MYO3B: variants seen among roughly 807,000 people sequenced by gnomAD.
MYO3B encodes myosin-IIIb.
Under a neutral mutation model 174.6 loss-of-function variants are expected in MYO3B, and 156 were observed. The observed-to-expected ratio is 0.89, with a 90% CI of 0.78 to 1.02. The LOEUF (loss-of-function observed/expected upper bound fraction) is 1.02, where lower values mean the gene tolerates loss of function less well. MYO3B is among the 50% of genes least tolerant of loss of function. The pLI, the probability that MYO3B is intolerant of heterozygous loss-of-function variation, is 0.00. For synonymous variants in MYO3B, 563 were observed against 569.1 expected (o/e 0.99, Z 0.15); for missense variants, 1,632 against 1,639.4 (o/e 1.00, Z 0.08).
At chr2:170,182,357 A>G (rs1574534885) in intron 1 of MYO3B, among the ~76,000 whole-genome samples, 1 of 152,270 alleles carries the variant, frequency 6.6e-6, no homozygotes, top group East Asian at 1.9e-4. Context: ...AAGCCAGCAT[A>G]ATTTATTGAA....
At chr2:170,429,054 A>G (rs935572558) in intron 22 of MYO3B, among the ~76,000 whole-genome samples, 25 of 152,228 alleles carry the variant, frequency 1.6e-4, no homozygotes, top group Non-Finnish European at 3.2e-4. Flanking sequence ...AGCCCTGTGT[A>G]ACTTTCTCAG....
At chr2:170,197,285 C>A (rs2092611752) in intron 1 of MYO3B, among the ~76,000 whole-genome samples, 2 of 152,164 alleles carry the variant, frequency 1.3e-5, no homozygotes, top group Non-Finnish European at 2.9e-5. Context: ...GTGTGGCCAG[C>A]CTCATTTCAA....
chr2:170,504,123 C>G (rs1266699777), intron 28 of MYO3B, among the ~76,000 whole-genome samples: 1 of 152,198 alleles, frequency 6.6e-6, no homozygotes, highest in Non-Finnish European at 1.5e-5. Context: ...AGAACCAGAC[C>G]CAGATACAGT....
At chr2:170,493,952 T>G (rs1575069779) in intron 25 of MYO3B, among the ~76,000 whole-genome samples, 1 of 152,242 alleles carries the variant, frequency 6.6e-6, no homozygotes, top group East Asian at 1.9e-4. Context: ...GGCTTTAAGA[T>G]GACTGCAGCC....
chr2:170,531,222 C>T (rs1260843265), intron 30 of MYO3B, among the ~76,000 whole-genome samples: 2 of 152,182 alleles, frequency 1.3e-5, no homozygotes, highest in African/African-American at 4.8e-5. Context: ...TTTCCAAATG[C>T]CCCATTTGTA....
intron 30 of MYO3B, among the ~76,000 whole-genome samples, chr2:170,524,994 G>A (rs148844375): frequency 1.1e-3 from 166 of 152,278 alleles, no homozygotes; most frequent in African/African-American, 3.9e-3. Flanking sequence ...CCAGGTCTCA[G>A]ATAATTAGTC....
chr2:170,352,172 C>T (rs181840349), intron 8 of MYO3B, among the ~76,000 whole-genome samples: 208 of 152,202 alleles, frequency 1.4e-3, no homozygotes, highest in Non-Finnish European at 1.5e-3. Flanking sequence ...AGACTGGTCT[C>T]GAACTCCTGA....
At chr2:170,580,707 A>G (rs1693079139) in intron 32 of MYO3B, among the ~76,000 whole-genome samples, 1 of 90,118 alleles carries the variant, frequency 1.1e-5, no homozygotes. Context: ...AGGTCCCACA[A>G]AACCTTATAT....
intron 32 of MYO3B, among the ~76,000 whole-genome samples, chr2:170,631,868 A>T (rs115208534): frequency 0.014 from 2,137 of 152,318 alleles, 25 homozygotes; most frequent in Non-Finnish European, 0.023. Context: ...GATAAAACAG[A>T]GTTTAAACCA....
chr2:170,474,743 CAAAAAAAAAAAAAAAAAAAAAA>C (rs55913448), intron 25 of MYO3B, among the ~76,000 whole-genome samples: 425 of 37,586 alleles, frequency 0.011, 10 homozygotes, highest in African/African-American at 0.036. Context: ...AACTCCGTCT[CAAAAAAAAAAAAAAAAAAAAAA>C]AAAAAAAAAA....
intron 25 of MYO3B, among the ~76,000 whole-genome samples, chr2:170,478,419 C>A (rs1685446859): frequency 6.6e-6 from 1 of 152,010 alleles, no homozygotes; most frequent in East Asian, 1.9e-4. Context: ...CTTGCTACCT[C>A]ATTTAAGAGT....
chr2:170,323,534 A>G lies in MYO3B; in HGVS notation c.750-11851A>G, dbSNP rs548904810. 2.6e-5 allele frequency among the ~76,000 whole-genome samples: 4 copies of G among 152,340 alleles called. No individual in the cohort carries two copies. In the South Asian group the frequency reaches 8.3e-4, roughly 32 times the overall value. On this transcript the variant is annotated intron_variant, in intron 7 of 34. Coordinates refer to ENST00000408978, the MANE Select transcript of MYO3B (RefSeq NM_138995.5). ...AGAAGTGGTGTCTCATTAATCAAGA[A>G]TAAATCCCAAATGCAGAAACAAGAT...
chr2:170,369,232 A>C lies in MYO3B; in HGVS notation c.826A>C (p.Lys276Gln). The change falls in exon 9 of 35, where the codon AAG becomes CAG. Residue 276 changes from lysine to glutamine, a missense_variant. Physicochemically the swap from Lys to Gln is moderately conservative, Grantham distance 53. Transcript: ENST00000408978. Reference protein sequence around the residue: ...FNHFISQCLIKDFERRPSVTH... With the variant: ...FNHFISQCLIQDFERRPSVTH... Reference sequence around the variant, plus strand: ...GGTTTTTGCAAACAGGTGTCTTATTAAGGATTTTGAAAGGCGACCTTCCGT... The same window carrying C: ...GGTTTTTGCAAACAGGTGTCTTATTCAGGATTTTGAAAGGCGACCTTCCGT... The C allele has an allele frequency of 6.2e-7, 1 of 1,612,940 alleles. No homozygotes were observed. Among genetic ancestry groups the C allele is most frequent in the East Asian group, 2.2e-5 (1 of 44,864 alleles).
At chr2:170,179,179 G>T (rs1473241205) in intron 1 of MYO3B, among the ~76,000 whole-genome samples, 1 of 152,120 alleles carries the variant, frequency 6.6e-6, no homozygotes, top group African/African-American at 2.4e-5. Context: ...AAACCTGCAC[G>T]TCCTGCACAT....
chr2:170,478,876 T>C (rs1299467514), intron 25 of MYO3B, among the ~76,000 whole-genome samples: 2 of 111,782 alleles, frequency 1.8e-5, no homozygotes, highest in Non-Finnish European at 3.5e-5. Context: ...CTGGCCCATA[T>C]ATAGGTTTTA....
At position 170,316,682 on chromosome 2, in the gene MYO3B, A is replaced by G. The variant is rs559650976; in HGVS notation, c.750-18703A>G. On this transcript the variant is annotated intron_variant, in intron 7 of 34. Coordinates refer to ENST00000408978, the MANE Select transcript of MYO3B (RefSeq NM_138995.5). ...ATGGTCATGAGACTAATGTTATCTT[A>G]TTCATGGTCCTTTTCCTAAGGCCAG... Among the ~76,000 whole-genome samples, 57 of 152,334 alleles carry G rather than the reference A, an allele frequency of 3.7e-4. 1 individual carries two copies. Among genetic ancestry groups the G allele is most frequent in the African/African-American group, 1.3e-3 (56 of 41,572 alleles).
At chr2:170,550,494 T>A (rs527663929) in intron 32 of MYO3B, among the ~76,000 whole-genome samples, 4 of 152,176 alleles carry the variant, frequency 2.6e-5, no homozygotes, top group Non-Finnish European at 5.9e-5. Context: ...GGACTTCCCT[T>A]TGAAAATCAC....
chr2:170,304,468 C>CTTTTTTTTTTTTTT (rs34449441), intron 7 of MYO3B, among the ~76,000 whole-genome samples: 2 of 131,834 alleles, frequency 1.5e-5, no homozygotes, highest in Admixed American at 7.6e-5. Flanking sequence ...TTTTCTTTTT[C>CTTTTTTTTTTTTTT]TTTTTTTTTT....
At chr2:170,469,107 G>C (rs1684816502) in intron 25 of MYO3B, among the ~76,000 whole-genome samples, 1 of 152,192 alleles carries the variant, frequency 6.6e-6, no homozygotes, top group South Asian at 2.1e-4. Context: ...CTGCGCTCCA[G>C]CCAGGGCGAC....
Sources: gnomAD v4.1 joint callset for allele counts (sites outside exome capture counted in the v4.1 genomes callset) on GRCh38, gnomAD v4.1.1 for gene constraint, MANE v1.5 for transcripts, NCBI Gene and HGNC (gene_info 2026-07-23, HGNC 2026-07-21) for gene names.